Variants in IARS1 observed in about 807,000 individuals in gnomAD.
The protein encoded by IARS1 is isoleucine--tRNA ligase, cytoplasmic.
Under a neutral mutation model 168.2 loss-of-function variants are expected in IARS1, and 124 were observed. The ratio of observed to expected loss-of-function variants is 0.74; its 90% CI spans 0.64 to 0.86. The LOEUF (loss-of-function observed/expected upper bound fraction) is 0.86, where lower values mean the gene tolerates loss of function less well. Among genes scored for constraint, IARS1 ranks in the 40% least tolerant of loss-of-function variants. The pLI, the probability that IARS1 is intolerant of heterozygous loss-of-function variation, is 0.00. For synonymous variants in IARS1, 532 were observed against 529.4 expected (o/e 1.00, Z -0.07); for missense variants, 1,452 against 1,515.8 (o/e 0.96, Z 0.70).
chr9:92,268,236 T>C lies in IARS1; in HGVS notation c.1369A>G (p.Ile457Val), dbSNP rs1663745219. The C allele has an allele frequency of 6.2e-7, 1 of 1,611,868 alleles. No homozygotes were observed. Residue 457 changes from isoleucine to valine, a missense_variant, in exon 14 of 34, where the codon ATT becomes GTT. Coordinates refer to ENST00000443024, the MANE Select transcript of IARS1 (RefSeq NM_002161.6). Reference sequence around the variant, plus strand: ...GTGCCCCAGTATCTGTTTCTGGAAATTGTCCAGTCACGTGCATCTTTCAGC... The same window carrying C: ...GTGCCCCAGTATCTGTTTCTGGAAACTGTCCAGTCACGTGCATCTTTCAGC... ...NWLKDARDWT[I>V]SRNRYWGTPI... is the part of the protein sequence containing the mutation.
At position 92,281,729 on chromosome 9, in the gene IARS1, GA is replaced by G. The variant is rs149853378; in HGVS notation, c.598-837del. On this transcript the variant is annotated intron_variant, in intron 6 of 33. Coordinates refer to ENST00000443024, the MANE Select transcript of IARS1 (RefSeq NM_002161.6). ...TTAAAAATAAATAGCTCTAAGGTAG[GA>G]AAAAAAAAATCAATCCCCAACAAAA... is the stretch of plus-strand genomic sequence containing the variant. Among the ~76,000 whole-genome samples the G allele has an allele frequency of 1.1e-4, 17 of 148,008 alleles. No individual in the cohort carries two copies. In the South Asian group the frequency reaches 2.8e-3, roughly 24 times the overall value.
In IARS1 at chr9:92,289,445, T is replaced by G. The variant is rs761225704; in HGVS notation, c.-7-19A>C. 1 of 1,014,832 alleles carries G rather than the reference T, an allele frequency of 9.9e-7. No individual in the cohort carries two copies. The highest frequency in any genetic ancestry group is 1.6e-5 in the African/African-American group (1 of 63,218). 62.9% of individuals were successfully genotyped at this position (1,014,832 alleles called of 1,614,324 possible). ...TTTGTTGCTGCAAAAGAAATCAAATTTATTACTGTCAAAAGAGAAATCTAG... is the reference window on the plus strand; with the variant it reads ...TTTGTTGCTGCAAAAGAAATCAAATGTATTACTGTCAAAAGAGAAATCTAG... On this transcript the variant is annotated intron_variant, in intron 1 of 33. Coordinates refer to ENST00000443024, the MANE Select transcript of IARS1 (RefSeq NM_002161.6).
At chr9:92,264,306 G>A (rs1209026550) in intron 16 of IARS1, among the ~76,000 whole-genome samples, 2 of 150,628 alleles carry the variant, frequency 1.3e-5, no homozygotes, top group Non-Finnish European at 2.9e-5. Flanking sequence ...CTGCACTCCA[G>A]CCTGGGCAGC....
chr9:92,257,186 G>A (rs1165655613), intron 19 of IARS1, among the ~76,000 whole-genome samples: 1 of 152,188 alleles, frequency 6.6e-6, no homozygotes, highest in Non-Finnish European at 1.5e-5. Flanking sequence ...AATGAGTACT[G>A]GGAAATAATT....
chr9:92,246,830 T>C (rs1266602481), intron 26 of IARS1, among the ~76,000 whole-genome samples: 1 of 152,108 alleles, frequency 6.6e-6, no homozygotes, highest in African/African-American at 2.4e-5. Context: ...TGTGCCCAGC[T>C]ATTTTCTTTC....
In IARS1 at chr9:92,222,557, C is replaced by A. The variant is rs747240344; in HGVS notation, c.3669G>T (p.Arg1223Ser). The change falls in exon 33 of 34, where the codon AGG becomes AGT. Residue 1223 changes from arginine to serine, a missense_variant. Arg to Ser is a moderately radical substitution (Grantham distance 110). Coordinates refer to ENST00000443024, the MANE Select transcript of IARS1 (RefSeq NM_002161.6). Reference protein sequence around the residue: ...EAAKVFGLRSRKLKLFLNETQ... With the variant: ...EAAKVFGLRSSKLKLFLNETQ... ...TCTCATTCAGAAACAGCTTTAGCTT[C>A]CTGCTCCGAAGGCCAAACACCTTGG... 2 of 1,614,130 alleles carry A rather than the reference C, an allele frequency of 1.2e-6. No individual in the cohort carries two copies. Among genetic ancestry groups the A allele is most frequent in the South Asian group, 2.2e-5 (2 of 91,082 alleles).
intron 1 of IARS1, among the ~76,000 whole-genome samples, chr9:92,291,548 T>C (rs575167927): frequency 6.6e-6 from 1 of 152,364 alleles, no homozygotes; most frequent in East Asian, 1.9e-4. Context: ...GAAATAGCTA[T>C]TTCTGATCAC....
In IARS1 at chr9:92,250,853, C is replaced by A; in HGVS notation, c.2308-19G>T. 1.3e-6 allele frequency: 2 copies of A among 1,586,608 alleles called. No homozygotes were observed. Among genetic ancestry groups the A allele is most frequent in the Non-Finnish European group, 8.6e-7 (1 of 1,168,056 alleles). ...AGGGAGCCTGTATGAAGACACAGGA[C>A]ATCATGTCAGTTATATGCAGTCATC... On this transcript the variant is annotated intron_variant, in intron 22 of 33. Transcript: ENST00000443024.
At position 92,247,471 on chromosome 9, in the gene IARS1, C is replaced by G; in HGVS notation, c.2697G>C (p.Met899Ile). Reference sequence around the variant, plus strand: ...CTCCCTTCAGACGCTTCCCCAGGACCATGTGATCTGGTTCTGCCCTTAGCC... The same window carrying G: ...CTCCCTTCAGACGCTTCCCCAGGACGATGTGATCTGGTTCTGCCCTTAGCC... ...GIRLRAEPDH[M>I]VLGKRLKGAF... Residue 899 changes from methionine (M) to isoleucine (I), a missense_variant, in exon 26 of 34, where the codon ATG becomes ATC. Physicochemically the swap from Met to Ile is conservative, Grantham distance 10. Coordinates refer to ENST00000443024, the MANE Select transcript of IARS1 (RefSeq NM_002161.6). 6.2e-7 allele frequency: 1 copy of G among 1,614,150 alleles called. No homozygotes were observed. The highest frequency in any genetic ancestry group is 8.5e-7 in the Non-Finnish European group (1 of 1,180,010).
intron 20 of IARS1, among the ~76,000 whole-genome samples, chr9:92,255,925 G>A (rs1468837421): frequency 6.6e-6 from 1 of 151,934 alleles, no homozygotes; most frequent in East Asian, 1.9e-4. Flanking sequence ...TTGAGGTGAT[G>A]GATATCCCAT....
Position 92,260,337 on chromosome 9 carries a change from T to C in IARS1, c.1788-103A>G, listed in dbSNP as rs367900321. The C allele has an allele frequency of 1.0e-3, 862 of 843,136 alleles. 1 individual carries two copies. Among genetic ancestry groups the C allele is most frequent in the Non-Finnish European group, 1.2e-3 (591 of 486,092 alleles). The allele number at this position is 843,136 out of a possible 1,614,324, so 52.2% of individuals were successfully genotyped here. ...GCAAACAGGAATATACAAAATGAAA[T>C]GGGAAGGAGTAACTTAGATAGAAGT... On this transcript the variant is annotated intron_variant, in intron 17 of 33. Coordinates refer to ENST00000443024, the MANE Select transcript of IARS1 (RefSeq NM_002161.6).
At chr9:92,245,455 T>C (rs980879081) in intron 26 of IARS1, among the ~76,000 whole-genome samples, 4 of 152,180 alleles carry the variant, frequency 2.6e-5, no homozygotes, top group Non-Finnish European at 5.9e-5. Context: ...TATTTGCTGG[T>C]TGTATGACAT....
chr9:92,271,741 C>A, intron 10 of IARS1, 86 bp from the exon 11 acceptor site: 1 of 1,407,256 alleles, frequency 7.1e-7, no homozygotes, highest in South Asian at 1.2e-5. Flanking sequence ...GATAATTGTT[C>A]TATATTGTAA....
intron 10 of IARS1, among the ~76,000 whole-genome samples, chr9:92,272,313 T>C (rs1020478295): frequency 6.6e-6 from 1 of 152,254 alleles, no homozygotes; most frequent in Non-Finnish European, 1.5e-5. Context: ...CACCTCTCCC[T>C]GTGCTGAGGC....
chr9:92,287,301 T>C (rs1835607367), intron 4 of IARS1: 1 of 153,822 alleles, frequency 6.5e-6, no homozygotes, highest in Admixed American at 6.5e-5. Flanking sequence ...TAAAAAGACA[T>C]GACAACCAAA....
Position 92,247,481 on chromosome 9 carries a change from G to A in IARS1, c.2687C>T (p.Pro896Leu). 1 of 1,614,158 alleles carries A rather than the reference G, an allele frequency of 6.2e-7. No homozygotes were observed. The highest frequency in any genetic ancestry group is 1.1e-5 in the South Asian group (1 of 91,082). ...ACGCTTCCCCAGGACCATGTGATCT[G>A]GTTCTGCCCTTAGCCGAATGCCATA... ...NKYGIRLRAE[P>L]DHMVLGKRLK... The change falls in exon 26 of 34, where the codon CCA becomes CTA. Residue 896 changes from proline (P) to leucine (L), a missense_variant. Transcript: ENST00000443024.
intron 33 of IARS1, among the ~76,000 whole-genome samples, chr9:92,214,950 G>A (rs1838398585): frequency 6.6e-6 from 1 of 152,238 alleles, no homozygotes; most frequent in African/African-American, 2.4e-5. Flanking sequence ...TGCCTCTGTA[G>A]GCTCCACCTC....
At chr9:92,256,535 A>G (rs1830744442) in intron 20 of IARS1, 145 bp downstream of exon 20, 1 of 822,290 alleles carries the variant, frequency 1.2e-6, no homozygotes, top group East Asian at 2.8e-5. Context: ...ACAATTAACA[A>G]GCCTTAACAA....
Position 92,262,905 on chromosome 9 carries a change from G to C in IARS1, c.1787+64C>G, listed in dbSNP as rs1011927621. 28 of 1,161,628 alleles carry C rather than the reference G, an allele frequency of 2.4e-5. No homozygotes were observed. In the South Asian group the frequency reaches 3.1e-4, roughly 13 times the overall value. The allele number at this position is 1,161,628 out of a possible 1,614,324, so 72.0% of individuals were successfully genotyped here. A position where few individuals can be genotyped will look rare whatever the true frequency, so the allele number is the denominator to read the frequency against. ...CTACAACAAAGTTGACCGCTCTCAC[G>C]CACTCCTTCTTAAGAAACAGTGGAG... On this transcript the variant is annotated intron_variant, in intron 17 of 33. Transcript: ENST00000443024.
Sources: allele counts gnomAD v4.1 joint callset (sites outside exome capture counted in the v4.1 genomes callset), GRCh38; gene constraint gnomAD v4.1.1; transcripts MANE v1.5; gene names NCBI Gene and HGNC (gene_info 2026-07-23, HGNC 2026-07-21).